The following PTPRU variants were observed in gnomAD, a reference collection of about 807,000 sequenced individuals.
PTPRU encodes the protein receptor-type tyrosine-protein phosphatase U.
In PTPRU, 69 loss-of-function variants were observed where a neutral mutation model predicts 166.3. The ratio of observed to expected loss-of-function variants is 0.41; its 90% CI spans 0.34 to 0.51. PTPRU has a LOEUF of 0.51. PTPRU is among the 20% of genes least tolerant of loss of function. The pLI is 0.09. For missense variants in PTPRU, 1,657 were observed against 2,013.7 expected (o/e 0.82, Z 3.39); for synonymous variants, 793 against 814.0 (o/e 0.97, Z 0.44).
chr1:29,286,872 C>T (rs1023309568), intron 14 of PTPRU, among the ~76,000 whole-genome samples: 4 of 152,200 alleles, frequency 2.6e-5, no homozygotes, highest in Non-Finnish European at 4.4e-5. Context: ...TCCCCCATCA[C>T]TCTGGACCTC....
chr1:29,304,907 G>A, intron 17 of PTPRU, 58 bp downstream of exon 17: 1 of 1,486,890 alleles, frequency 6.7e-7, no homozygotes, highest in South Asian at 1.2e-5. Flanking sequence ...CATCAGGAGG[G>A]GGAACACAGC....
rs755028588 is a variant in PTPRU at position 29,315,645 on chromosome 1, G to C, written c.3363+138G>C. 118 of 1,261,340 alleles carry C rather than the reference G, an allele frequency of 9.4e-5. No homozygotes were observed. Among genetic ancestry groups the C allele is most frequent in the Non-Finnish European group, 1.1e-4 (96 of 895,374 alleles). The allele number at this position is 1,261,340 out of a possible 1,614,324, so 78.1% of individuals were successfully genotyped here. A position where few individuals can be genotyped will look rare whatever the true frequency, so the allele number is the denominator to read the frequency against. Reference sequence around the variant, plus strand: ...TCCCTCAGATCATCCCTGACCTTGGGCCGCCAACTGCATAGGGTCATCCTG... The same window carrying C: ...TCCCTCAGATCATCCCTGACCTTGGCCCGCCAACTGCATAGGGTCATCCTG... On this transcript the variant is annotated intron_variant, in intron 23 of 29. Transcript: ENST00000373779. The surrounding 1 kb of genome is among the most constrained non-coding windows in gnomAD (Gnocchi z 4.5).
intron 28 of PTPRU, 138 bp from the exon 29 acceptor site, chr1:29,325,053 T>G (rs1688343300): frequency 8.3e-7 from 1 of 1,204,118 alleles, no homozygotes; most frequent in South Asian, 1.5e-5. Flanking sequence ...ACCTCTGGGC[T>G]CTCTGCCCCA....
chr1:29,282,790 G>A lies in PTPRU; in HGVS notation c.1983G>A (p.Leu661=). The A allele has an allele frequency of 6.2e-7, 1 of 1,614,128 alleles. No homozygotes were observed. Among genetic ancestry groups the A allele is most frequent in the South Asian group, 1.1e-5 (1 of 91,086 alleles). Residue 661 remains leucine, a synonymous_variant, in exon 12 of 30, where the codon CTG becomes CTA. Transcript: ENST00000373779. Reference sequence around the variant, plus strand: ...TCGAGGCGGCGCTGGCCCGAGGCCTGGTGCACTACTTCGGGGCCGAACTGG... The same window carrying A: ...TCGAGGCGGCGCTGGCCCGAGGCCTAGTGCACTACTTCGGGGCCGAACTGG... The part of the protein sequence containing the change: ...LTFEAALARG[L]VHYFGAELAA...
rs144077160 is a variant in PTPRU at position 29,323,753 on chromosome 1, C to T, written c.4077C>T (p.Ala1359=). Reference sequence around the variant, plus strand: ...TGGCTGAGGTGGACAAGTGGCAGGCCGAGAGTGGGGATGGGCGCACCATCG... The same window carrying T: ...TGGCTGAGGTGGACAAGTGGCAGGCTGAGAGTGGGGATGGGCGCACCATCG... ...HLLAEVDKWQ[A]ESGDGRTIVH... is the part of the protein sequence containing the mutation. The change falls in exon 28 of 30, where the codon GCC becomes GCT. Residue 1359 remains alanine (A), a synonymous_variant. Coordinates refer to ENST00000373779, the MANE Select transcript of PTPRU (RefSeq NM_133178.4). 5.4e-3 allele frequency: 8,644 copies of T among 1,614,032 alleles called. 33 individuals are homozygous for T. The highest frequency in any genetic ancestry group is 6.4e-3 in the Non-Finnish European group (7,576 of 1,179,956).
At chr1:29,294,810 T>C (rs1033437479) in intron 15 of PTPRU, among the ~76,000 whole-genome samples, 1 of 152,238 alleles carries the variant, frequency 6.6e-6, no homozygotes, top group Non-Finnish European at 1.5e-5. Flanking sequence ...TCATTTATTA[T>C]AGTTCACGCT....
At chr1:29,249,949 T>C (rs74065293) in intron 1 of PTPRU, among the ~76,000 whole-genome samples, 27,767 of 152,208 alleles carry the variant, frequency 0.18, 2,815 homozygotes, top group African/African-American at 0.25. Context: ...TCAACCTCCC[T>C]TCCCTCCAGT....
At chr1:29,275,301 T>C in intron 7 of PTPRU, 147 bp from the exon 8 acceptor site, 1 of 823,544 alleles carries the variant, frequency 1.2e-6, no homozygotes, top group Non-Finnish European at 1.9e-6. Context: ...TTTTACTCCC[T>C]GTTTGATGTT....
chr1:29,298,348 C>A (rs1397109432), intron 15 of PTPRU, among the ~76,000 whole-genome samples: 1 of 151,770 alleles, frequency 6.6e-6, no homozygotes, highest in East Asian at 1.9e-4. Flanking sequence ...TCTCTTTATT[C>A]TTCTCTGCCC....
Position 29,236,818 on chromosome 1 carries a change from G to T in PTPRU, c.73+101G>T. 1.8e-6 allele frequency: 2 copies of T among 1,130,410 alleles called. No individual in the cohort carries two copies. Among genetic ancestry groups the T allele is most frequent in the Non-Finnish European group, 1.1e-6 (1 of 879,578 alleles). The allele number at this position is 1,130,410 out of a possible 1,614,324, so 70.0% of individuals were successfully genotyped here. On this transcript the variant is annotated intron_variant, in intron 1 of 29. Coordinates refer to ENST00000373779, the MANE Select transcript of PTPRU (RefSeq NM_133178.4). The surrounding 1 kb of genome is among the most constrained non-coding windows in gnomAD (Gnocchi z 4.6). ...AGTGTTGAGTGACCGGGCGTTACGA[G>T]CGTGCTCCCTGTGTGTGTCTGAGCG...
intron 1 of PTPRU, among the ~76,000 whole-genome samples, chr1:29,254,628 G>T (rs1333748608): frequency 6.6e-6 from 1 of 152,230 alleles, no homozygotes; most frequent in African/African-American, 2.4e-5. Context: ...CCTGAACGAG[G>T]CTCTGTACTT....
At chr1:29,249,217 C>T (rs1416595764) in intron 1 of PTPRU, among the ~76,000 whole-genome samples, 1 of 152,244 alleles carries the variant, frequency 6.6e-6, no homozygotes, top group African/African-American at 2.4e-5. Context: ...TGGACACATG[C>T]ATGGGGAGGT....
chr1:29,289,638 G>A lies in PTPRU; in HGVS notation c.2319-2231G>A, dbSNP rs374401801. On this transcript the variant is annotated intron_variant, in intron 14 of 29. Transcript: ENST00000373779. ...TTGCCTCAGCCCGGCCTTGGTGGAC[G>A]GACCTCGGACACAACTGTGCTGTTC... 3.5e-5 allele frequency: 56 copies of A among 1,613,004 alleles called. No homozygotes were observed. The East Asian group carries it at 5.4e-4, about 15-fold the overall frequency.
intron 15 of PTPRU, among the ~76,000 whole-genome samples, chr1:29,301,930 T>A (rs1687151664): frequency 2.0e-5 from 3 of 152,228 alleles, no homozygotes; most frequent in Non-Finnish European, 4.4e-5. Context: ...TTTTTATGGC[T>A]GCATAGTATT....
intron 15 of PTPRU, among the ~76,000 whole-genome samples, chr1:29,303,132 C>T (rs1466856575): frequency 6.6e-6 from 1 of 152,226 alleles, no homozygotes; most frequent in Non-Finnish European, 1.5e-5. Context: ...AGTGAGTGGG[C>T]GTGCGTGTCC....
At chr1:29,306,088 G>A (rs2235938) in intron 18 of PTPRU, among the ~76,000 whole-genome samples, 1 of 151,944 alleles carries the variant, frequency 6.6e-6, no homozygotes, top group Non-Finnish European at 1.5e-5. Context: ...AAGAAAGGAC[G>A]CAAATCTCAG....
intron 15 of PTPRU, among the ~76,000 whole-genome samples, chr1:29,296,286 C>T (rs1484296858): frequency 6.6e-6 from 1 of 152,192 alleles, no homozygotes; most frequent in African/African-American, 2.4e-5. Flanking sequence ...ATGTTTTTAT[C>T]AGGCTAACCA....
Position 29,236,586 on chromosome 1 carries a change from G to C in PTPRU, c.-59G>C, listed in dbSNP as rs1683771152. The C allele has an allele frequency of 8.5e-7, 1 of 1,177,112 alleles. No individual in the cohort carries two copies. The highest frequency in any genetic ancestry group is 1.6e-5 in the African/African-American group (1 of 62,000). 72.9% of individuals were successfully genotyped at this position (1,177,112 alleles called of 1,614,324 possible). ...CTCCGGCTCGCCTCGGGCTGGGCTCGGGCTCCGGGGGCGGCGTCCCCCGCG... is the reference window on the plus strand; with the variant it reads ...CTCCGGCTCGCCTCGGGCTGGGCTCCGGCTCCGGGGGCGGCGTCCCCCGCG... On this transcript the variant is annotated 5_prime_UTR_variant, in exon 1 of 30. Transcript: ENST00000373779. This position sits in a 1 kb window ranked among gnomAD's most constrained non-coding sequence, Gnocchi z 4.6.
chr1:29,326,059 G>T lies in PTPRU; in HGVS notation c.*398G>T, dbSNP rs1688397209. 1 of 403,164 alleles carries T rather than the reference G, an allele frequency of 2.5e-6. No homozygotes were observed. The highest frequency in any genetic ancestry group is 2.1e-5 in the African/African-American group (1 of 48,640). The allele number at this position is 403,164 out of a possible 1,614,324, so 25.0% of individuals were successfully genotyped here. A position where few individuals can be genotyped will look rare whatever the true frequency, so the allele number is the denominator to read the frequency against. The stretch of plus-strand genomic sequence containing the variant: ...CCTGCAGAGAGCATCCCAGGCCAAG[G>T]TTCCCACTCAGCCTGCCCCCTCTGC... On this transcript the variant is annotated 3_prime_UTR_variant, in exon 30 of 30. Coordinates refer to ENST00000373779, the MANE Select transcript of PTPRU (RefSeq NM_133178.4).
Sources: gnomAD v4.1 joint callset for allele counts (sites outside exome capture counted in the v4.1 genomes callset) on GRCh38, gnomAD v4.1.1 for gene constraint, Gnocchi (gnomAD v3.1) non-coding constraint, MANE v1.5 for transcripts, NCBI Gene and HGNC (gene_info 2026-07-23, HGNC 2026-07-21) for gene names.